OR9Q1: variants seen among roughly 807,000 people sequenced by gnomAD.
OR9Q1 encodes the protein olfactory receptor 9Q1.
For synonymous variants in OR9Q1, 153 were observed against 148.6 expected (o/e 1.03, Z -0.22); for missense variants, 374 against 378.8 (o/e 0.99, Z 0.11).
chr11:58,152,949 G>A (rs1421969303), intron 2 of OR9Q1, among the ~76,000 whole-genome samples: 1 of 152,220 alleles, frequency 6.6e-6, no homozygotes, highest in African/African-American at 2.4e-5. Context: ...CCGAGCTCCA[G>A]GAGGGCGGGC....
At chr11:58,116,522 C>G (rs1197134247) in intron 2 of OR9Q1, among the ~76,000 whole-genome samples, 1 of 152,144 alleles carries the variant, frequency 6.6e-6, no homozygotes, top group Non-Finnish European at 1.5e-5. Flanking sequence ...TTCTTGCTAA[C>G]TTAGTGAACT....
intron 2 of OR9Q1, among the ~76,000 whole-genome samples, chr11:58,113,597 G>C (rs1164676299): frequency 1.3e-5 from 2 of 152,184 alleles, no homozygotes; most frequent in South Asian, 4.1e-4. Context: ...CTCAGAGCTG[G>C]CTAGCTCATT....
In OR9Q1 at chr11:58,030,318, G is replaced by C. The variant is rs111394255; in HGVS notation, c.-93+6214G>C. 1.3e-3 allele frequency among the ~76,000 whole-genome samples: 204 copies of C among 152,242 alleles called. 3 individuals carry two copies. The highest frequency in any genetic ancestry group is 4.3e-3 in the African/African-American group (180 of 41,554). On this transcript the variant is annotated intron_variant, in intron 1 of 2. Coordinates refer to ENST00000335397, the MANE Select transcript of OR9Q1 (RefSeq NM_001005212.4). ...TCATGGTGTCCCAGCCTACTCCTCAGGCTCAGAAACAGTCATTTTCTCTCT... is the reference window on the plus strand; with the variant it reads ...TCATGGTGTCCCAGCCTACTCCTCACGCTCAGAAACAGTCATTTTCTCTCT...
intron 1 of OR9Q1, chr11:58,040,877 A>C (rs895365301): frequency 6.6e-6 from 1 of 152,254 alleles, no homozygotes; most frequent in Admixed American, 6.5e-5. Flanking sequence ...GAGGGAGGAC[A>C]TGAGGCCTCC....
chr11:58,103,802 T>G (rs1853813860), intron 2 of OR9Q1, among the ~76,000 whole-genome samples: 1 of 152,336 alleles, frequency 6.6e-6, no homozygotes, highest in African/African-American at 2.4e-5. Flanking sequence ...GCAGAGTGCA[T>G]TGGCTTTTAT....
chr11:58,167,941 T>TGTG (rs1854520343), intron 2 of OR9Q1, among the ~76,000 whole-genome samples: 1 of 152,222 alleles, frequency 6.6e-6, no homozygotes, highest in South Asian at 2.1e-4. Flanking sequence ...AAATAGACTC[T>TGTG]ATCTCTTGAA....
At chr11:58,093,054 C>T (rs1407728537) in intron 2 of OR9Q1, among the ~76,000 whole-genome samples, 1 of 152,026 alleles carries the variant, frequency 6.6e-6, no homozygotes, top group Non-Finnish European at 1.5e-5. Context: ...CTAACTCTGT[C>T]TATTCTAAAA....
chr11:58,133,366 G>T (rs1011208484), intron 2 of OR9Q1, among the ~76,000 whole-genome samples: 1 of 152,198 alleles, frequency 6.6e-6, no homozygotes, highest in African/African-American at 2.4e-5. Context: ...GAAGGCATAA[G>T]GGGAGATGGT....
intron 2 of OR9Q1, among the ~76,000 whole-genome samples, chr11:58,156,081 T>G (rs2119910622): frequency 6.6e-6 from 1 of 152,118 alleles, no homozygotes; most frequent in African/African-American, 2.4e-5. Flanking sequence ...CCTGGTTAAT[T>G]TTTGTACTTT....
chr11:58,128,245 A>G (rs1450507558), intron 2 of OR9Q1, among the ~76,000 whole-genome samples: 1 of 134,386 alleles, frequency 7.4e-6, no homozygotes. Context: ...GAAAACAGCC[A>G]AGAAAAACTA....
At chr11:58,103,865 T>C (rs1012000243) in intron 2 of OR9Q1, among the ~76,000 whole-genome samples, 8 of 152,172 alleles carry the variant, frequency 5.3e-5, no homozygotes, top group Non-Finnish European at 1.0e-4. Flanking sequence ...ATAATCCATA[T>C]TAGTAGTGTT....
intron 1 of OR9Q1, among the ~76,000 whole-genome samples, chr11:58,025,005 C>G (rs2441954): frequency 0.97 from 147,669 of 152,278 alleles, 71,756 homozygotes; most frequent in East Asian, 1. Context: ...TTGATCTTGC[C>G]CAAGTTTACT....
intron 2 of OR9Q1, among the ~76,000 whole-genome samples, chr11:58,076,480 A>C (rs972098661): frequency 1.3e-5 from 2 of 152,222 alleles, no homozygotes; most frequent in African/African-American, 4.8e-5. Context: ...CCATGTGGCC[A>C]CATCTCTCAC....
intron 1 of OR9Q1, among the ~76,000 whole-genome samples, chr11:58,053,640 A>AATT (rs1853296308): frequency 2.8e-5 from 4 of 144,368 alleles, no homozygotes; most frequent in African/African-American, 1.0e-4. Context: ...ATATATATAT[A>AATT]TATAAATTAT....
chr11:58,111,641 T>C lies in OR9Q1; in HGVS notation c.-15+55694T>C, dbSNP rs145797203. ...ATGTAGCCATCCTACATATTAACTC[T>C]CTACTGTGTTCAAAGGGACCATACA... On this transcript the variant is annotated intron_variant, in intron 2 of 2. Coordinates refer to ENST00000335397, the MANE Select transcript of OR9Q1 (RefSeq NM_001005212.4). Among the ~76,000 whole-genome samples, 29 of 152,286 alleles carry C rather than the reference T, an allele frequency of 1.9e-4. No homozygotes were observed. In the East Asian group the frequency reaches 5.4e-3, roughly 28 times the overall value.
At chr11:58,065,034 A>G (rs530525167) in intron 2 of OR9Q1, among the ~76,000 whole-genome samples, 18 of 152,246 alleles carry the variant, frequency 1.2e-4, no homozygotes, top group African/African-American at 4.1e-4. Flanking sequence ...ACACAGACTC[A>G]TTGTAGTGCA....
intron 2 of OR9Q1, among the ~76,000 whole-genome samples, chr11:58,139,556 A>T (rs61902775): frequency 0.21 from 31,441 of 151,806 alleles, 3,834 homozygotes; most frequent in Middle Eastern, 0.38. Flanking sequence ...TCTTTGCGAT[A>T]GTTTGCTGAG....
intron 2 of OR9Q1, among the ~76,000 whole-genome samples, chr11:58,155,174 T>C (rs1011503341): frequency 2.0e-5 from 3 of 152,160 alleles, no homozygotes; most frequent in Non-Finnish European, 4.4e-5. Flanking sequence ...TTCTCAGTCT[T>C]AAGTTATGTA....
At chr11:58,169,030 T>C (rs1005608430) in intron 2 of OR9Q1, among the ~76,000 whole-genome samples, 2 of 152,204 alleles carry the variant, frequency 1.3e-5, no homozygotes, top group African/African-American at 4.8e-5. Context: ...GGTCAGACAA[T>C]GTGTCTTGTA....
Sources: allele counts gnomAD v4.1 joint callset (sites outside exome capture counted in the v4.1 genomes callset), GRCh38; gene constraint gnomAD v4.1.1; transcripts MANE v1.5; gene names NCBI Gene and HGNC (gene_info 2026-07-23, HGNC 2026-07-21).